The following PKP1 variants were observed in gnomAD, a reference collection of about 807,000 sequenced individuals.
PKP1 encodes the protein plakophilin-1.
Under a neutral mutation model 76.4 loss-of-function variants are expected in PKP1, and 27 were observed. The observed-to-expected ratio is 0.35, with a 90% CI of 0.26 to 0.49. The LOEUF (loss-of-function observed/expected upper bound fraction) is 0.49. Ranked by LOEUF, PKP1 falls within the 20% of genes least tolerant of loss-of-function variation. The pLI is 0.99. For synonymous variants in PKP1, 404 were observed against 384.2 expected (o/e 1.05, Z -0.60); for missense variants, 964 against 955.2 (o/e 1.01, Z -0.12).
chr1:201,284,007 C>T, intron 1 of PKP1, 103 bp downstream of exon 1: 3 of 1,067,760 alleles, frequency 2.8e-6, no homozygotes, highest in East Asian at 2.5e-5. Context: ...TGAGGGGAGG[C>T]GAGGGGCTGC....
chr1:201,294,099 A>G, intron 2 of PKP1, 54 bp downstream of exon 2: 3 of 1,254,256 alleles, frequency 2.4e-6, no homozygotes, highest in Admixed American at 1.8e-5. Flanking sequence ...GGATGGTTTG[A>G]GGTTTATAGT....
In PKP1 at chr1:201,328,781, T is replaced by C. The variant is rs776683618; in HGVS notation, c.2126T>C (p.Met709Thr). The C allele has an allele frequency of 7.4e-6, 12 of 1,614,194 alleles. No homozygotes were observed. Among genetic ancestry groups the C allele is most frequent in the South Asian group, 5.5e-5 (5 of 91,090 alleles). ...VLRQQGFDRN[M>T]LGTLAGANSL... ...TTGCAGCAAGGTTTCGATAGGAACA[T>C]GCTGGGAACCTTAGCTGGGGCCAAC... Residue 709 changes from methionine to threonine, a missense_variant, in exon 13 of 14, where the codon ATG (methionine) becomes ACG (threonine). By Grantham distance (81) the Met-to-Thr change is moderately conservative. Coordinates refer to ENST00000367324, the MANE Select transcript of PKP1 (RefSeq NM_001005337.3).
At chr1:201,327,035 C>T (rs1341091607) in intron 12 of PKP1, among the ~76,000 whole-genome samples, 1 of 152,288 alleles carries the variant, frequency 6.6e-6, no homozygotes, top group South Asian at 2.1e-4. Flanking sequence ...TCTCTGGAGC[C>T]GTCCAGGAGC....
rs1266735745 is a variant in PKP1, at chr1:201,313,310, A to T, written c.451A>T (p.Lys151Ter). 6.3e-7 allele frequency: 1 copy of T among 1,597,742 alleles called. No individual in the cohort carries two copies. Among genetic ancestry groups the T allele is most frequent in the Non-Finnish European group, 8.5e-7 (1 of 1,172,702 alleles). ...CGACATCTGCTTCATGCAGAAAATC[A>T]AGGCGAGCCGCAGTGAGCCCGACCT... ...GSDICFMQKI[K>*]ASRSEPDLYC... The change falls in exon 3 of 14, where the codon AAG (lysine) becomes TAG (stop). Residue 151 changes from lysine to a stop codon, truncating the protein, a stop_gained. Coordinates refer to ENST00000367324, the MANE Select transcript of PKP1 (RefSeq NM_001005337.3). LOFTEE classifies it high-confidence loss of function.
intron 3 of PKP1, 78 bp from the exon 4 acceptor site, chr1:201,316,475 T>C: frequency 6.9e-7 from 1 of 1,455,324 alleles, no homozygotes; most frequent in Non-Finnish European, 9.4e-7. Context: ...CAGCTTAGTG[T>C]GCTGGGAGGA....
chr1:201,316,420 T>C (rs1220413255), intron 3 of PKP1, 133 bp from the exon 4 acceptor site: 1 of 887,930 alleles, frequency 1.1e-6, no homozygotes, highest in East Asian at 2.7e-5. Flanking sequence ...CAAGTGGGCC[T>C]GGGCTGCCTT....
intron 12 of PKP1, among the ~76,000 whole-genome samples, chr1:201,326,889 G>A (rs1657141744): frequency 6.6e-6 from 1 of 152,248 alleles, no homozygotes; most frequent in South Asian, 2.1e-4. Flanking sequence ...AAGAGGAACT[G>A]TGCAGGGTGC....
intron 2 of PKP1, among the ~76,000 whole-genome samples, chr1:201,308,149 G>A (rs1656422913): frequency 6.6e-6 from 1 of 152,380 alleles, no homozygotes; most frequent in Middle Eastern, 3.4e-3. Flanking sequence ...AGGTCAAGCG[G>A]TAAAGGGAAG....
chr1:201,300,086 G>C lies in PKP1; in HGVS notation c.306+6041G>C, dbSNP rs1008936805. On this transcript the variant is annotated intron_variant, in intron 2 of 13. Transcript: ENST00000367324. Reference sequence around the variant, plus strand: ...CACCCCCACCCAGCCCTGGGAGATAGGAGAGTCCTACAAGGGCCCCAGGCT... The same window carrying C: ...CACCCCCACCCAGCCCTGGGAGATACGAGAGTCCTACAAGGGCCCCAGGCT... 5.9e-5 allele frequency among the ~76,000 whole-genome samples: 9 copies of C among 152,192 alleles called. No individual in the cohort carries two copies. The South Asian group carries it at 1.9e-3, about 31-fold the overall frequency.
chr1:201,313,761 T>C (rs1038849665), intron 3 of PKP1, among the ~76,000 whole-genome samples: 7 of 152,250 alleles, frequency 4.6e-5, no homozygotes, highest in Non-Finnish European at 1.0e-4. Context: ...AAGAAGTTCT[T>C]AGTGTGAAGG....
chr1:201,312,757 G>C (rs1047696034), intron 2 of PKP1, among the ~76,000 whole-genome samples: 1 of 152,160 alleles, frequency 6.6e-6, no homozygotes, highest in African/African-American at 2.4e-5. Context: ...TTCCTGGGCT[G>C]TCTTGGCTTC....
intron 3 of PKP1, 151 bp from the exon 4 acceptor site, chr1:201,316,402 G>T (rs1411240957): frequency 5.5e-6 from 4 of 724,312 alleles, no homozygotes; most frequent in East Asian, 5.4e-5. Context: ...GTTCCCAGGG[G>T]TATTCTCCAA....
chr1:201,305,622 C>T (rs1311281304), intron 2 of PKP1, among the ~76,000 whole-genome samples: 2 of 152,190 alleles, frequency 1.3e-5, no homozygotes, highest in Admixed American at 6.5e-5. Context: ...AGGATGCTGC[C>T]ACCTCCCAGC....
At chr1:201,320,168 C>G in intron 6 of PKP1, 99 bp from the exon 7 acceptor site, 1 of 788,802 alleles carries the variant, frequency 1.3e-6, no homozygotes, top group Non-Finnish European at 2.2e-6. Context: ...CCTGCCTGTT[C>G]TCTCTCCTGC....
intron 2 of PKP1, among the ~76,000 whole-genome samples, chr1:201,304,111 T>G (rs1461285052): frequency 6.6e-6 from 1 of 152,180 alleles, no homozygotes; most frequent in African/African-American, 2.4e-5. Context: ...GTCCCTAAGC[T>G]TCTTTCATAT....
At chr1:201,287,459 T>A (rs1655775289) in intron 1 of PKP1, among the ~76,000 whole-genome samples, 1 of 152,260 alleles carries the variant, frequency 6.6e-6, no homozygotes, top group Non-Finnish European at 1.5e-5. Flanking sequence ...TGTCCTTTCC[T>A]GACCACAGGC....
chr1:201,317,643 C>T lies in PKP1; in HGVS notation c.918C>T (p.Ala306=), dbSNP rs1722779. ...LRSPNQNVQQ[A]AAGALRNLVF... The stretch of plus-strand genomic sequence containing the variant: ...GCCCCAACCAGAACGTCCAGCAGGC[C>T]GCGGCAGGGGCCCTGCGCAACCTGG... Residue 306 remains alanine, a synonymous_variant, in exon 5 of 14, where the codon GCC becomes GCT. Transcript: ENST00000367324. The T allele has an allele frequency of 0.2, 330,240 of 1,613,656 alleles. 34,917 individuals carry two copies. The highest frequency in any genetic ancestry group is 0.23 in the East Asian group (10,531 of 44,848).
At chr1:201,284,545 C>G (rs957581933) in intron 1 of PKP1, among the ~76,000 whole-genome samples, 1 of 152,150 alleles carries the variant, frequency 6.6e-6, no homozygotes, top group African/African-American at 2.4e-5. Flanking sequence ...GGAGCAGGGA[C>G]GAGGGCCTGG....
chr1:201,321,931 G>C (rs755375420), intron 7 of PKP1, 47 bp from the exon 8 acceptor site: 5 of 1,611,094 alleles, frequency 3.1e-6, no homozygotes, highest in Non-Finnish European at 3.4e-6. Flanking sequence ...CCAGGAGCCT[G>C]TCGGGCCGGG....
Sources: gnomAD v4.1 joint callset for allele counts (sites outside exome capture counted in the v4.1 genomes callset) on GRCh38, gnomAD v4.1.1 for gene constraint, MANE v1.5 for transcripts, NCBI Gene and HGNC (gene_info 2026-07-23, HGNC 2026-07-21) for gene names.